PTPRK: variants seen among roughly 807,000 people sequenced by gnomAD.
PTPRK encodes the protein receptor-type tyrosine-protein phosphatase kappa.
In PTPRK, 75 loss-of-function variants were observed where a neutral mutation model predicts 178.0. The ratio of observed to expected loss-of-function variants is 0.42; its 90% CI spans 0.35 to 0.51. The LOEUF is 0.51. Ranked by LOEUF, PTPRK falls within the 20% of genes least tolerant of loss-of-function variation. The pLI is 0.02. For synonymous variants in PTPRK, 637 were observed against 620.6 expected (o/e 1.03, Z -0.39); for missense variants, 1,441 against 1,797.8 (o/e 0.80, Z 3.59).
At chr6:128,379,265 G>C (rs750605887) in intron 2 of PTPRK, among the ~76,000 whole-genome samples, 3 of 152,016 alleles carry the variant, frequency 2.0e-5, no homozygotes, top group Non-Finnish European at 4.4e-5. Flanking sequence ...AAAATACCAT[G>C]AATCGAATAA....
chr6:128,104,577 A>G (rs1257542672), intron 7 of PTPRK, among the ~76,000 whole-genome samples: 3 of 152,190 alleles, frequency 2.0e-5, no homozygotes, highest in Non-Finnish European at 4.4e-5. Flanking sequence ...CTCAATACAT[A>G]TTTGAGCTGA....
At chr6:128,312,978 C>T (rs1827461512) in intron 3 of PTPRK, among the ~76,000 whole-genome samples, 1 of 152,010 alleles carries the variant, frequency 6.6e-6, no homozygotes, top group South Asian at 2.1e-4. Context: ...GAATAAGTCC[C>T]CTGAGAAAGT....
chr6:128,289,721 TG>T (rs1222091862), intron 3 of PTPRK, among the ~76,000 whole-genome samples: 1 of 152,102 alleles, frequency 6.6e-6, no homozygotes, highest in African/African-American at 2.4e-5. Flanking sequence ...ATATACTTTA[TG>T]GAGATGAAAT....
chr6:128,249,233 T>C (rs1175094309), intron 3 of PTPRK, among the ~76,000 whole-genome samples: 1 of 151,806 alleles, frequency 6.6e-6, no homozygotes, highest in Admixed American at 6.6e-5. Flanking sequence ...CCAGTTATAT[T>C]TGGACCCAAT....
At chr6:128,389,000 A>T (rs1446141777) in intron 2 of PTPRK, among the ~76,000 whole-genome samples, 2 of 152,174 alleles carry the variant, frequency 1.3e-5, no homozygotes, top group African/African-American at 4.8e-5. Context: ...AGTTTGTAAA[A>T]CTGTCCTATT....
intron 13 of PTPRK, among the ~76,000 whole-genome samples, chr6:128,032,532 T>A (rs980282761): frequency 6.6e-6 from 1 of 152,134 alleles, no homozygotes; most frequent in African/African-American, 2.4e-5. Context: ...AATATATGAG[T>A]CATTATTTAT....
chr6:128,172,913 G>T (rs1216516753), intron 7 of PTPRK, among the ~76,000 whole-genome samples: 1 of 152,020 alleles, frequency 6.6e-6, no homozygotes, highest in African/African-American at 2.4e-5. Context: ...GGGGCCATAT[G>T]CTCAGGTCCT....
intron 1 of PTPRK, among the ~76,000 whole-genome samples, chr6:128,433,419 C>CTGGAA (rs1295300593): frequency 6.6e-6 from 1 of 152,148 alleles, no homozygotes; most frequent in African/African-American, 2.4e-5. Context: ...CCATAGTGAA[C>CTGGAA]TCCACGTCCA....
intron 3 of PTPRK, among the ~76,000 whole-genome samples, chr6:128,300,992 T>A (rs1406363379): frequency 6.6e-6 from 1 of 152,000 alleles, no homozygotes; most frequent in African/African-American, 2.4e-5. Flanking sequence ...ACTTATAATG[T>A]TAGCTGTTCA....
At chr6:128,285,753 T>C (rs1822394782) in intron 3 of PTPRK, among the ~76,000 whole-genome samples, 1 of 152,072 alleles carries the variant, frequency 6.6e-6, no homozygotes, top group African/African-American at 2.4e-5. Context: ...TGAGCCTAGA[T>C]TGTGACACTG....
intron 1 of PTPRK, among the ~76,000 whole-genome samples, chr6:128,485,299 T>C (rs1006873084): frequency 1.3e-5 from 2 of 152,228 alleles, no homozygotes; most frequent in African/African-American, 4.8e-5. Flanking sequence ...TATTTAGTCT[T>C]CATGTAGTTC....
At chr6:128,318,138 T>A (rs1828288638) in intron 3 of PTPRK, among the ~76,000 whole-genome samples, 1 of 152,172 alleles carries the variant, frequency 6.6e-6, no homozygotes, top group South Asian at 2.1e-4. Context: ...TTCTGAGAGC[T>A]ATGACAGAGG....
intron 6 of PTPRK, among the ~76,000 whole-genome samples, chr6:128,202,454 T>C (rs1806137306): frequency 6.6e-6 from 1 of 152,162 alleles, no homozygotes; most frequent in Non-Finnish European, 1.5e-5. Flanking sequence ...AGGAGTTTTG[T>C]ATACTCTGGA....
intron 5 of PTPRK, among the ~76,000 whole-genome samples, chr6:128,223,690 T>C (rs1041767837): frequency 1.3e-5 from 2 of 152,222 alleles, no homozygotes; most frequent in Non-Finnish European, 2.9e-5. Flanking sequence ...CCTTATATTA[T>C]GTGAGCTGTT....
In PTPRK at chr6:128,009,288, A is replaced by C; in HGVS notation, c.2195-20T>G. ...CTGCTGCTAAATGGATAAAAAAAAA[A>C]ATCAGTTACTGAAAGAAGCTAATAA... On this transcript the variant is annotated intron_variant, in intron 13 of 29. Transcript: ENST00000368226. 1 of 1,592,142 alleles carries C rather than the reference A, an allele frequency of 6.3e-7. No individual in the cohort carries two copies. The highest frequency in any genetic ancestry group is 8.5e-7 in the Non-Finnish European group (1 of 1,170,426).
chr6:128,334,118 A>G lies in PTPRK; in HGVS notation c.224-11808T>C, dbSNP rs954355353. Among the ~76,000 whole-genome samples, 3 of 152,172 alleles carry G rather than the reference A, an allele frequency of 2.0e-5. No individual in the cohort carries two copies. In the East Asian group the frequency reaches 5.8e-4, roughly 29 times the overall value. The stretch of plus-strand genomic sequence containing the variant: ...CGGGAGCTGTTCGTGGTGCATGAAA[A>G]AATTACAACAGTAACATCAAAGATC... On this transcript the variant is annotated intron_variant, in intron 2 of 29. Transcript: ENST00000368226.
intron 11 of PTPRK, among the ~76,000 whole-genome samples, chr6:128,069,643 A>G (rs1267898408): frequency 6.6e-6 from 1 of 152,126 alleles, no homozygotes; most frequent in Non-Finnish European, 1.5e-5. Context: ...TGCCCTAAAG[A>G]ATAATAATAA....
chr6:128,238,012 A>G (rs748865958), intron 5 of PTPRK: 4 of 448,470 alleles, frequency 8.9e-6, no homozygotes, highest in South Asian at 6.4e-5. Flanking sequence ...TTTCTTGTAG[A>G]TGGGGAAGAC....
At chr6:128,152,353 G>A (rs76073306) in intron 7 of PTPRK, among the ~76,000 whole-genome samples, 2 of 151,936 alleles carry the variant, frequency 1.3e-5, no homozygotes, top group Non-Finnish European at 2.9e-5. Context: ...TAGAACCAAT[G>A]AGCACAGTGA....
Sources: gnomAD v4.1 joint callset for allele counts (sites outside exome capture counted in the v4.1 genomes callset) on GRCh38, gnomAD v4.1.1 for gene constraint, MANE v1.5 for transcripts, NCBI Gene and HGNC (gene_info 2026-07-23, HGNC 2026-07-21) for gene names.